FBXW4: variants seen among roughly 807,000 people sequenced by gnomAD.
FBXW4 encodes F-box/WD repeat-containing protein 4.
FBXW4 carries 40 observed loss-of-function variants against 61.8 expected under a neutral mutation model. The ratio of observed to expected loss-of-function variants is 0.65; its 90% confidence interval spans 0.50 to 0.84. FBXW4 has a LOEUF of 0.84. Among genes scored for constraint, FBXW4 ranks in the 40% least tolerant of loss-of-function variants. The pLI, the probability that FBXW4 is intolerant of heterozygous loss-of-function variation, is 0.00. For synonymous variants in FBXW4, 311 were observed against 313.8 expected (o/e 0.99, Z 0.10); for missense variants, 672 against 753.8 (o/e 0.89, Z 1.27).
intron 5 of FBXW4, among the ~76,000 whole-genome samples, chr10:101,641,985 G>A (rs975478918): frequency 6.6e-6 from 1 of 151,572 alleles, no homozygotes; most frequent in Non-Finnish European, 1.5e-5. Context: ...TTATCAACAT[G>A]GTGAAACCCC....
At chr10:101,652,378 T>C (rs1043467650) in intron 5 of FBXW4, among the ~76,000 whole-genome samples, 1 of 152,130 alleles carries the variant, frequency 6.6e-6, no homozygotes, top group African/African-American at 2.4e-5. Context: ...TCGCCCTGGA[T>C]ACCAGTACAC....
At chr10:101,664,238 A>C (rs929475973) in intron 5 of FBXW4, among the ~76,000 whole-genome samples, 1 of 152,208 alleles carries the variant, frequency 6.6e-6, no homozygotes, top group Admixed American at 6.5e-5. Context: ...CATACATAAG[A>C]AGATAAGGTA....
intron 5 of FBXW4, among the ~76,000 whole-genome samples, chr10:101,660,859 C>T (rs911373499): frequency 1.3e-5 from 2 of 152,202 alleles, no homozygotes; most frequent in African/African-American, 4.8e-5. Flanking sequence ...TGAGAACTTA[C>T]CACACTCTAC....
At chr10:101,624,270 T>TAAAAAA (rs202127189) in intron 6 of FBXW4, among the ~76,000 whole-genome samples, 1 of 136,040 alleles carries the variant, frequency 7.4e-6, no homozygotes. Flanking sequence ...ATTAGAAAGT[T>TAAAAAA]AAAAAAAAAA....
chr10:101,684,284 C>T (rs966732517), intron 1 of FBXW4, among the ~76,000 whole-genome samples: 5 of 152,210 alleles, frequency 3.3e-5, no homozygotes, highest in Admixed American at 2.0e-4. Context: ...CCACCATGCC[C>T]GGCTACTTTA....
intron 5 of FBXW4, among the ~76,000 whole-genome samples, chr10:101,632,984 G>C (rs2063970973): frequency 6.6e-6 from 1 of 152,170 alleles, no homozygotes; most frequent in African/African-American, 2.4e-5. Context: ...GGTCAGATGA[G>C]GTAGCTGGCA....
intron 1 of FBXW4, among the ~76,000 whole-genome samples, chr10:101,693,963 T>C (rs549425559): frequency 9.9e-5 from 15 of 152,204 alleles, no homozygotes; most frequent in African/African-American, 3.6e-4. Flanking sequence ...TCCACAAAAA[T>C]TTATGATAGA....
chr10:101,637,391 C>CG (rs2064013279), intron 5 of FBXW4, among the ~76,000 whole-genome samples: 1 of 14,852 alleles, frequency 6.7e-5, no homozygotes, highest in African/African-American at 2.7e-4. Context: ...GACTCCGTCT[C>CG]AAAAAAAAAA....
At chr10:101,653,151 T>C (rs1549065) in intron 5 of FBXW4, among the ~76,000 whole-genome samples, 152,089 of 152,256 alleles carry the variant, frequency 1, 75,961 homozygotes, top group Middle Eastern at 1. Flanking sequence ...CTCTCCCTGA[T>C]GTGCAGTCAT....
intron 5 of FBXW4, among the ~76,000 whole-genome samples, chr10:101,666,882 C>T (rs1174400925): frequency 1.3e-5 from 2 of 151,808 alleles, no homozygotes; most frequent in African/African-American, 4.8e-5. Context: ...TATAGAAACA[C>T]CCCATTTCTA....
rs755740500 is a variant in FBXW4, at chr10:101,694,413, G to T, written c.693C>A (p.Leu231=). 6.6e-7 allele frequency: 1 copy of T among 1,507,916 alleles called. No individual in the cohort carries two copies. Among genetic ancestry groups the T allele is most frequent in the Admixed American group, 2.1e-5 (1 of 46,726 alleles). The allele number at this position is 1,507,916 out of a possible 1,614,324, so 93.4% of individuals were successfully genotyped here. Residue 231 remains leucine (L), a synonymous_variant, in exon 1 of 9, where the codon CTC becomes CTA. Coordinates refer to ENST00000331272, the MANE Select transcript of FBXW4 (RefSeq NM_022039.4). This position sits in a 1 kb window ranked among gnomAD's most constrained non-coding sequence, Gnocchi z 6.0. ...TGCCGAGCCGCGTGAAGCCGGAGTT[G>T]AGCGAGGCCCGGGCTATCCGGCGCC... ...LLWRRIARAS[L]NSGFTRLGTD...
At chr10:101,684,065 G>A (rs540000082) in intron 1 of FBXW4, among the ~76,000 whole-genome samples, 7 of 152,310 alleles carry the variant, frequency 4.6e-5, no homozygotes, top group Non-Finnish European at 7.3e-5. Context: ...CCAGACTCAA[G>A]TGATTCTCCT....
chr10:101,641,315 G>T (rs2064051404), intron 5 of FBXW4, among the ~76,000 whole-genome samples: 1 of 152,110 alleles, frequency 6.6e-6, no homozygotes, highest in Non-Finnish European at 1.5e-5. Context: ...AAACACAGGG[G>T]TTAATTTTAC....
intron 7 of FBXW4, among the ~76,000 whole-genome samples, chr10:101,612,009 A>G (rs2063790899): frequency 6.6e-6 from 1 of 152,258 alleles, no homozygotes; most frequent in South Asian, 2.1e-4. Flanking sequence ...CTGTTTTCAC[A>G]TGGCCAGCTA....
chr10:101,689,689 GGGTTAGGAAACT>G (rs903610240), intron 1 of FBXW4, among the ~76,000 whole-genome samples: 1 of 152,194 alleles, frequency 6.6e-6, no homozygotes, highest in South Asian at 2.1e-4. Flanking sequence ...TCTCCATTCA[GGGTTAGGAAACT>G]GGTTAGGAAA....
At chr10:101,640,426 C>T (rs1212140638) in intron 5 of FBXW4, among the ~76,000 whole-genome samples, 1 of 151,350 alleles carries the variant, frequency 6.6e-6, no homozygotes, top group African/African-American at 2.4e-5. Flanking sequence ...TCTAATGGGG[C>T]AGAGTTTGGT....
At chr10:101,690,616 C>T (rs898117973) in intron 1 of FBXW4, among the ~76,000 whole-genome samples, 14 of 152,276 alleles carry the variant, frequency 9.2e-5, no homozygotes, top group African/African-American at 3.1e-4. Context: ...CACAAGGAAC[C>T]AAAGCAGTTC....
At chr10:101,673,109 A>C in intron 3 of FBXW4, 62 bp from the exon 4 acceptor site, 7 of 1,573,958 alleles carry the variant, frequency 4.4e-6, no homozygotes, top group Non-Finnish European at 6.0e-6. Flanking sequence ...GAAAGAGAAC[A>C]ACTCTCCAGA....
At chr10:101,616,336 T>A (rs775702283) in intron 6 of FBXW4, among the ~76,000 whole-genome samples, 2 of 152,244 alleles carry the variant, frequency 1.3e-5, no homozygotes, top group Non-Finnish European at 2.9e-5. Context: ...ATCTTCTGTA[T>A]ACAAAGCATT....
Sources: gnomAD v4.1 joint callset for allele counts (sites outside exome capture counted in the v4.1 genomes callset) on GRCh38, gnomAD v4.1.1 for gene constraint, Gnocchi (gnomAD v3.1) non-coding constraint, MANE v1.5 for transcripts, NCBI Gene and HGNC (gene_info 2026-07-23, HGNC 2026-07-21) for gene names.